PHACTR3: variants seen among roughly 807,000 people sequenced by gnomAD.
PHACTR3 encodes the protein phosphatase and actin regulator 3.
Under a neutral mutation model 66.8 loss-of-function variants are expected in PHACTR3, and 16 were observed. The observed-to-expected ratio is 0.24, with a 90% CI of 0.16 to 0.36. PHACTR3 has a LOEUF of 0.36. Ranked by LOEUF, PHACTR3 falls within the 10% of genes least tolerant of loss-of-function variation. The pLI, the probability that PHACTR3 is intolerant of heterozygous loss-of-function variation, is 1.00. For missense variants in PHACTR3, 647 were observed against 719.9 expected, an observed-to-expected ratio of 0.90 and a Z score of 1.16; for synonymous variants, 323 against 292.1, an observed-to-expected ratio of 1.11 and a Z score of -1.08.
chr20:59,717,323 T>C (rs1475470474), intron 1 of PHACTR3, among the ~76,000 whole-genome samples: 1 of 152,244 alleles, frequency 6.6e-6, no homozygotes, highest in Non-Finnish European at 1.5e-5. Context: ...CTATGACAAA[T>C]GGCAGGGAGA....
At chr20:59,673,702 C>T (rs1173777646) in intron 1 of PHACTR3, among the ~76,000 whole-genome samples, 4 of 152,214 alleles carry the variant, frequency 2.6e-5, no homozygotes, top group Admixed American at 2.6e-4. Context: ...GGGACTGTCT[C>T]TGGGCTGGGA....
chr20:59,831,378 G>A (rs866422859), intron 8 of PHACTR3, among the ~76,000 whole-genome samples: 15 of 152,142 alleles, frequency 9.9e-5, no homozygotes, highest in Non-Finnish European at 7.4e-5. Flanking sequence ...TAGGGAGACC[G>A]GCAGATGCTG....
At chr20:59,759,986 G>T (rs2039941032) in intron 4 of PHACTR3, among the ~76,000 whole-genome samples, 2 of 152,164 alleles carry the variant, frequency 1.3e-5, no homozygotes, top group African/African-American at 4.8e-5. Context: ...CCCCTGGGGT[G>T]TCTGCAGTGG....
chr20:59,635,452 G>A (rs1216161641), intron 1 of PHACTR3, among the ~76,000 whole-genome samples: 2 of 151,510 alleles, frequency 1.3e-5, no homozygotes, highest in African/African-American at 2.4e-5. Context: ...CAGGCTGGTC[G>A]TGAACTCCTG....
chr20:59,776,852 G>C lies in PHACTR3; in HGVS notation c.1174+2362G>C, dbSNP rs369125467. Reference sequence around the variant, plus strand: ...CTTGGCTCCCACCTCTGTCCCTCCCGCCCAGTGCCTTCCTTCTCTGATTGA... The same window carrying C: ...CTTGGCTCCCACCTCTGTCCCTCCCCCCCAGTGCCTTCCTTCTCTGATTGA... On this transcript the variant is annotated intron_variant, in intron 7 of 12. Coordinates refer to ENST00000371015, the MANE Select transcript of PHACTR3 (RefSeq NM_080672.5). 2.0e-5 allele frequency among the ~76,000 whole-genome samples: 3 copies of C among 150,942 alleles called. No homozygotes were observed. In the East Asian group the frequency reaches 5.8e-4, roughly 29 times the overall value.
chr20:59,655,474 AT>A (rs1265072340), intron 1 of PHACTR3, among the ~76,000 whole-genome samples: 1 of 151,866 alleles, frequency 6.6e-6, no homozygotes, highest in Non-Finnish European at 1.5e-5. Flanking sequence ...CTTATAATTT[AT>A]TTCTGTGATA....
intron 7 of PHACTR3, among the ~76,000 whole-genome samples, chr20:59,781,426 G>A (rs963867849): frequency 5.9e-5 from 9 of 152,204 alleles, no homozygotes; most frequent in Non-Finnish European, 1.0e-4. Flanking sequence ...ATGACCCTGG[G>A]CAGGTGGTGG....
chr20:59,648,045 T>C (rs2035341410), intron 1 of PHACTR3, among the ~76,000 whole-genome samples: 1 of 152,212 alleles, frequency 6.6e-6, no homozygotes, highest in Non-Finnish European at 1.5e-5. Context: ...GAAGATTCTG[T>C]AGTTGCATAT....
rs144928944 is a variant in PHACTR3 at position 59,781,599 on chromosome 20, G to A, written c.1174+7109G>A. On this transcript the variant is annotated intron_variant, in intron 7 of 12. Transcript: ENST00000371015. ...CCTGCTGCCAAGGTTTTCTGAGGGT[G>A]TGTCCCAGCGGCAAAAGAAAAAAAT... Among the ~76,000 whole-genome samples, 28 of 152,314 alleles carry A rather than the reference G, an allele frequency of 1.8e-4. No individual in the cohort carries two copies. In the East Asian group the frequency reaches 5.4e-3, roughly 29 times the overall value.
At chr20:59,670,608 G>GGT (rs1568692659) in intron 1 of PHACTR3, among the ~76,000 whole-genome samples, 2 of 138,202 alleles carry the variant, frequency 1.4e-5, no homozygotes, top group Admixed American at 7.2e-5. Flanking sequence ...CCGGGGGTGG[G>GGT]GGGGGGGGGC....
At chr20:59,661,056 C>T (rs1266230650) in intron 1 of PHACTR3, among the ~76,000 whole-genome samples, 1 of 152,132 alleles carries the variant, frequency 6.6e-6, no homozygotes, top group Non-Finnish European at 1.5e-5. Context: ...ATGTCTGTTT[C>T]AGAATTTTAA....
chr20:59,762,212 C>A (rs1158955534), intron 4 of PHACTR3, among the ~76,000 whole-genome samples: 1 of 152,164 alleles, frequency 6.6e-6, no homozygotes, highest in African/African-American at 2.4e-5. Flanking sequence ...GGGTTTTGGT[C>A]AGCGTAGCTG....
At chr20:59,605,850 G>GGGT (rs1453771217) in intron 1 of PHACTR3, among the ~76,000 whole-genome samples, 5 of 123,992 alleles carry the variant, frequency 4.0e-5, no homozygotes, top group Admixed American at 7.9e-5. Context: ...ATAAAGCGGG[G>GGGT]GGGGAGGTGG....
intron 7 of PHACTR3, among the ~76,000 whole-genome samples, chr20:59,791,350 A>G (rs2041088998): frequency 6.6e-6 from 1 of 152,154 alleles, no homozygotes; most frequent in Non-Finnish European, 1.5e-5. Context: ...TTTCTGTTCA[A>G]TGTAAATTAC....
At chr20:59,774,618 AG>A (rs1405896526) in intron 7 of PHACTR3, 128 bp downstream of exon 7, 37 of 1,275,668 alleles carry the variant, frequency 2.9e-5, no homozygotes, top group Middle Eastern at 2.9e-4. Context: ...GAGAAACAAG[AG>A]GGGGGCTGTG....
At chr20:59,659,529 T>G (rs1601027086) in intron 1 of PHACTR3, among the ~76,000 whole-genome samples, 1 of 152,002 alleles carries the variant, frequency 6.6e-6, no homozygotes, top group African/African-American at 2.4e-5. Flanking sequence ...CGCACCACCA[T>G]GCCCAGCTAC....
chr20:59,584,098 G>A (rs562064514), intron 1 of PHACTR3, among the ~76,000 whole-genome samples: 3 of 152,358 alleles, frequency 2.0e-5, no homozygotes, highest in East Asian at 1.9e-4. Flanking sequence ...AGAAGGTGTC[G>A]TACTGGTGCC....
chr20:59,754,632 C>T (rs1015636712), intron 3 of PHACTR3, among the ~76,000 whole-genome samples: 6 of 152,254 alleles, frequency 3.9e-5, no homozygotes, highest in African/African-American at 1.2e-4. Context: ...ACCCCTGCAT[C>T]TCAGAGACCT....
chr20:59,733,190 T>G (rs2038831403), intron 1 of PHACTR3, among the ~76,000 whole-genome samples: 1 of 152,020 alleles, frequency 6.6e-6, no homozygotes, highest in Non-Finnish European at 1.5e-5. Context: ...CACTTTGTCC[T>G]TGGATGGTAT....
Sources: gnomAD v4.1 joint callset for allele counts (sites outside exome capture counted in the v4.1 genomes callset) on GRCh38, gnomAD v4.1.1 for gene constraint, MANE v1.5 for transcripts, NCBI Gene and HGNC (gene_info 2026-07-23, HGNC 2026-07-21) for gene names.